Variants in GABRB1 observed in about 807,000 individuals in gnomAD.
The protein encoded by GABRB1 is gamma-aminobutyric acid receptor subunit beta-1.
In GABRB1, 17 loss-of-function variants were observed where a neutral mutation model predicts 51.6. The ratio of observed to expected loss-of-function variants is 0.33; its 90% CI spans 0.23 to 0.49. The LOEUF is 0.49. Ranked by LOEUF, GABRB1 falls within the 20% of genes least tolerant of loss-of-function variation. The pLI is 0.99. For missense variants in GABRB1, 410 were observed against 600.6 expected (o/e 0.68, Z 3.32); for synonymous variants, 247 against 218.9 (o/e 1.13, Z -1.14).
At chr4:47,122,313 A>G (rs977156590) in intron 3 of GABRB1, among the ~76,000 whole-genome samples, 2 of 152,166 alleles carry the variant, frequency 1.3e-5, no homozygotes, top group Admixed American at 6.5e-5. Context: ...CAGACTGTTT[A>G]GTTCATCATT....
At chr4:47,371,902 GTTGA>G (rs1282665485) in intron 5 of GABRB1, among the ~76,000 whole-genome samples, 2 of 152,090 alleles carry the variant, frequency 1.3e-5, no homozygotes, top group Non-Finnish European at 2.9e-5. Context: ...TGTTTATTCT[GTTGA>G]TTATTTATTT....
At chr4:47,150,608 T>C (rs1368131607) in intron 3 of GABRB1, among the ~76,000 whole-genome samples, 15 of 148,006 alleles carry the variant, frequency 1.0e-4, no homozygotes, top group Admixed American at 6.9e-4. Flanking sequence ...GAAATAAATA[T>C]ATACTATCTT....
At chr4:47,070,371 G>T (rs554390750) in intron 3 of GABRB1, among the ~76,000 whole-genome samples, 8 of 140,730 alleles carry the variant, frequency 5.7e-5, no homozygotes, top group Admixed American at 2.9e-4. Context: ...CACTCTTTTT[G>T]CCCAGGCTAG....
At chr4:47,176,193 G>T (rs541602538) in intron 4 of GABRB1, among the ~76,000 whole-genome samples, 23 of 152,184 alleles carry the variant, frequency 1.5e-4, no homozygotes, top group African/African-American at 5.1e-4. Flanking sequence ...GGTGTATTAT[G>T]AACGAGCAGA....
At chr4:47,272,416 C>T (rs12508799) in intron 4 of GABRB1, among the ~76,000 whole-genome samples, 19,668 of 151,830 alleles carry the variant, frequency 0.13, 1,319 homozygotes, top group Non-Finnish European at 0.16. Flanking sequence ...TATTTTATTC[C>T]GTTTTCTTTA....
intron 3 of GABRB1, among the ~76,000 whole-genome samples, chr4:47,055,218 G>A (rs1017149965): frequency 6.6e-6 from 1 of 152,166 alleles, no homozygotes; most frequent in African/African-American, 2.4e-5. Flanking sequence ...TCGAAAGAAA[G>A]GTATTCTAGA....
intron 4 of GABRB1, among the ~76,000 whole-genome samples, chr4:47,248,913 A>G (rs1560297141): frequency 6.6e-6 from 1 of 151,850 alleles, no homozygotes; most frequent in Non-Finnish European, 1.5e-5. Flanking sequence ...CTTGGTTAAT[A>G]TTGCTAATGG....
Position 47,296,139 on chromosome 4 carries a change from G to A in GABRB1, c.462-23988G>A, listed in dbSNP as rs929207318. ...AACATGGAAAGGAAAAACCAGTACC[G>A]GCCACTGCAAAATCATGCCAAATTG... On this transcript the variant is annotated intron_variant, in intron 4 of 8. Coordinates refer to ENST00000295454, the MANE Select transcript of GABRB1 (RefSeq NM_000812.4). 8.6e-5 allele frequency among the ~76,000 whole-genome samples: 13 copies of A among 151,990 alleles called. No homozygotes were observed. The South Asian group carries it at 1.5e-3, about 17-fold the overall frequency.
At chr4:47,377,165 C>G (rs186550302) in intron 5 of GABRB1, among the ~76,000 whole-genome samples, 3 of 152,070 alleles carry the variant, frequency 2.0e-5, no homozygotes, top group Admixed American at 6.6e-5. Flanking sequence ...TGTTTTGAGA[C>G]GGAGTTTTGC....
intron 8 of GABRB1, among the ~76,000 whole-genome samples, chr4:47,418,624 G>A (rs1438011503): frequency 6.6e-6 from 1 of 152,182 alleles, no homozygotes; most frequent in East Asian, 1.9e-4. Flanking sequence ...TATACCCAAT[G>A]TATTTATCCC....
chr4:47,179,711 T>A (rs766501825), intron 4 of GABRB1, among the ~76,000 whole-genome samples: 1 of 152,084 alleles, frequency 6.6e-6, no homozygotes, highest in Non-Finnish European at 1.5e-5. Context: ...GGACCATATC[T>A]CAATTACTTC....
At chr4:47,248,504 G>T (rs1455324869) in intron 4 of GABRB1, among the ~76,000 whole-genome samples, 1 of 152,000 alleles carries the variant, frequency 6.6e-6, no homozygotes, top group African/African-American at 2.4e-5. Context: ...TGGTATTAGG[G>T]TGATGCTGGC....
At chr4:47,402,360 A>T (rs1226203341) in intron 5 of GABRB1, among the ~76,000 whole-genome samples, 1 of 152,170 alleles carries the variant, frequency 6.6e-6, no homozygotes, top group Non-Finnish European at 1.5e-5. Flanking sequence ...GGAAAAAAAG[A>T]TTTTTTGCTT....
chr4:47,365,948 G>A (rs1302253691), intron 5 of GABRB1, among the ~76,000 whole-genome samples: 1 of 152,172 alleles, frequency 6.6e-6, no homozygotes, highest in Non-Finnish European at 1.5e-5. Flanking sequence ...GCCCAGTCCT[G>A]AGAGTTGTAA....
chr4:47,348,935 GT>G (rs1231069830), intron 5 of GABRB1, among the ~76,000 whole-genome samples: 2 of 152,126 alleles, frequency 1.3e-5, no homozygotes, highest in Non-Finnish European at 2.9e-5. Flanking sequence ...ATGAGACTTG[GT>G]AAAGTATACA....
upstream of GABRB1, among the ~76,000 whole-genome samples, chr4:47,031,094 C>A (rs543861365): frequency 1.3e-5 from 2 of 152,182 alleles, no homozygotes; most frequent in East Asian, 3.9e-4. Flanking sequence ...TCCTCTGTAC[C>A]TTTAGTAACT....
intron 5 of GABRB1, among the ~76,000 whole-genome samples, chr4:47,350,216 T>TAGAGAGAGAGAGAGAGAG (rs1215848383): frequency 8.1e-5 from 6 of 73,810 alleles, no homozygotes; most frequent in African/African-American, 3.6e-4. Flanking sequence ...TATATATATA[T>TAGAGAGAGAGAGAGAGAG]ATAGAGAGAG....
chr4:47,054,795 G>A (rs778085590), intron 3 of GABRB1, among the ~76,000 whole-genome samples: 8 of 152,088 alleles, frequency 5.3e-5, no homozygotes, highest in Non-Finnish European at 1.2e-4. Context: ...AAGTTGGCCA[G>A]GCTGGTCTCC....
intron 4 of GABRB1, among the ~76,000 whole-genome samples, chr4:47,307,861 A>C (rs1724526789): frequency 6.6e-6 from 1 of 152,136 alleles, no homozygotes. Context: ...TTAGTAATTA[A>C]AAAATTTAAA....
Sources: allele counts gnomAD v4.1 joint callset (sites outside exome capture counted in the v4.1 genomes callset), GRCh38; gene constraint gnomAD v4.1.1; transcripts MANE v1.5; gene names NCBI Gene and HGNC (gene_info 2026-07-23, HGNC 2026-07-21).